GALNTL6: variants seen among roughly 807,000 people sequenced by gnomAD.
The protein encoded by GALNTL6 is polypeptide N-acetylgalactosaminyltransferase like 6, also known as polypeptide N-acetylgalactosaminyltransferase-like 6.
Under a neutral mutation model 73.7 loss-of-function variants are expected in GALNTL6, and 46 were observed. The ratio of observed to expected loss-of-function variants is 0.62; its 90% CI spans 0.49 to 0.80. The LOEUF (loss-of-function observed/expected upper bound fraction) is 0.80. Ranked by LOEUF, GALNTL6 falls within the 30% of genes least tolerant of loss-of-function variation. The probability of loss-of-function intolerance (pLI) is 0.00; values close to 1 mark genes in which losing one functional copy is unlikely to be tolerated. For missense variants in GALNTL6, 604 were observed against 755.0 expected, an observed-to-expected ratio of 0.80 and a Z score of 2.34; for synonymous variants, 259 against 263.7, an observed-to-expected ratio of 0.98 and a Z score of 0.17.
intron 2 of GALNTL6, among the ~76,000 whole-genome samples, chr4:171,871,433 G>A (rs1257918067): frequency 6.6e-6 from 1 of 152,068 alleles, no homozygotes; most frequent in Non-Finnish European, 1.5e-5. Flanking sequence ...GATAAGGGGG[G>A]ACTGTTATAA....
chr4:172,616,126 C>T (rs1738719009), intron 5 of GALNTL6, among the ~76,000 whole-genome samples: 2 of 152,260 alleles, frequency 1.3e-5, no homozygotes, highest in South Asian at 2.1e-4. Flanking sequence ...TCTGTCCCTT[C>T]ATAAAGATCT....
chr4:172,606,706 A>G (rs369301227), intron 5 of GALNTL6, among the ~76,000 whole-genome samples: 5 of 137,926 alleles, frequency 3.6e-5, no homozygotes, highest in African/African-American at 5.5e-5. Context: ...TATAGTGTGT[A>G]TATATATAGT....
intron 2 of GALNTL6, among the ~76,000 whole-genome samples, chr4:172,220,778 C>T (rs1323340286): frequency 2.0e-5 from 3 of 151,702 alleles, no homozygotes; most frequent in African/African-American, 7.3e-5. Flanking sequence ...AATTTAAAAT[C>T]ATCACTTCAG....
At chr4:172,546,690 G>T (rs1300798098) in intron 5 of GALNTL6, among the ~76,000 whole-genome samples, 1 of 149,464 alleles carries the variant, frequency 6.7e-6, no homozygotes, top group Non-Finnish European at 1.5e-5. Context: ...AACAAGATGT[G>T]ATTTGCAAAA....
In GALNTL6 at chr4:172,567,874, G is replaced by A. The variant is rs117336759; in HGVS notation, c.553+219185G>A. Among the ~76,000 whole-genome samples, 19 of 152,224 alleles carry A rather than the reference G, an allele frequency of 1.2e-4. 1 individual carries two copies. The East Asian group carries it at 3.7e-3, about 29-fold the overall frequency. The stretch of plus-strand genomic sequence containing the variant: ...TGTCAAGACATTATATTTTCTATGG[G>A]TTGTTTATTGGTGTCTCCACTATGA... On this transcript the variant is annotated intron_variant, in intron 5 of 12. Coordinates refer to ENST00000506823, the MANE Select transcript of GALNTL6 (RefSeq NM_001034845.3).
At chr4:171,926,062 C>T (rs1044587367) in intron 2 of GALNTL6, among the ~76,000 whole-genome samples, 2 of 152,018 alleles carry the variant, frequency 1.3e-5, no homozygotes, top group African/African-American at 4.8e-5. Context: ...TAACCCTATG[C>T]CTTATATACT....
chr4:171,858,571 C>T (rs1475951029), intron 2 of GALNTL6, among the ~76,000 whole-genome samples: 2 of 150,172 alleles, frequency 1.3e-5, no homozygotes, highest in Non-Finnish European at 2.9e-5. Context: ...CTCAAGTACT[C>T]ATGCCAAGTA....
intron 5 of GALNTL6, among the ~76,000 whole-genome samples, chr4:172,569,272 C>T (rs548092967): frequency 6.6e-6 from 1 of 152,236 alleles, no homozygotes; most frequent in South Asian, 2.1e-4. Flanking sequence ...CTTGCAGTGT[C>T]TTCACATGAT....
chr4:172,001,198 A>G (rs781752333), intron 2 of GALNTL6, among the ~76,000 whole-genome samples: 1 of 152,194 alleles, frequency 6.6e-6, no homozygotes, highest in Non-Finnish European at 1.5e-5. Flanking sequence ...TAGAAAATGT[A>G]ATTGTTTGAC....
chr4:171,961,281 T>A (rs1335716446), intron 2 of GALNTL6, among the ~76,000 whole-genome samples: 2 of 152,234 alleles, frequency 1.3e-5, no homozygotes, highest in African/African-American at 2.4e-5. Flanking sequence ...TGTCTAACAG[T>A]CCCTGTACAG....
chr4:172,657,583 A>C (rs1731101306), intron 5 of GALNTL6, among the ~76,000 whole-genome samples: 1 of 152,342 alleles, frequency 6.6e-6, no homozygotes, highest in South Asian at 2.1e-4. Context: ...TTCTTAGGAA[A>C]AGAACTGATT....
intron 2 of GALNTL6, among the ~76,000 whole-genome samples, chr4:172,043,456 T>C (rs1742141854): frequency 6.6e-6 from 1 of 152,078 alleles, no homozygotes; most frequent in South Asian, 2.1e-4. Context: ...GTCACATTTC[T>C]CAGCACTGTG....
chr4:172,173,159 A>G (rs982004124), intron 2 of GALNTL6, among the ~76,000 whole-genome samples: 5 of 152,240 alleles, frequency 3.3e-5, no homozygotes, highest in Admixed American at 1.3e-4. Flanking sequence ...AGAGATTTCC[A>G]AAACTGAAAC....
intron 5 of GALNTL6, among the ~76,000 whole-genome samples, chr4:172,524,210 ATTTC>A (rs1453311335): frequency 3.3e-5 from 5 of 151,806 alleles, no homozygotes; most frequent in African/African-American, 1.2e-4. Flanking sequence ...GAGTAGCTAT[ATTTC>A]TTTATTTTTA....
At chr4:172,381,091 G>C (rs1743267760) in intron 5 of GALNTL6, among the ~76,000 whole-genome samples, 1 of 152,194 alleles carries the variant, frequency 6.6e-6, no homozygotes, top group Admixed American at 6.5e-5. Flanking sequence ...CAAAACAATA[G>C]AGTGAGGTGG....
intron 5 of GALNTL6, among the ~76,000 whole-genome samples, chr4:172,492,413 T>A (rs1270911165): frequency 6.6e-6 from 1 of 152,174 alleles, no homozygotes; most frequent in African/African-American, 2.4e-5. Context: ...GGCTGCACTG[T>A]CACTCAGAGT....
chr4:172,751,210 T>G (rs1235292458), intron 5 of GALNTL6, among the ~76,000 whole-genome samples: 1 of 152,210 alleles, frequency 6.6e-6, no homozygotes, highest in Non-Finnish European at 1.5e-5. Flanking sequence ...GAGAAAACAT[T>G]ACTAACACAC....
At chr4:172,415,220 CAT>C (rs1730771110) in intron 5 of GALNTL6, among the ~76,000 whole-genome samples, 2 of 152,186 alleles carry the variant, frequency 1.3e-5, no homozygotes, top group African/African-American at 2.4e-5. Context: ...GTTCACAACT[CAT>C]GACTCAACTG....
At chr4:171,876,057 A>T (rs1299978214) in intron 2 of GALNTL6, among the ~76,000 whole-genome samples, 1 of 152,122 alleles carries the variant, frequency 6.6e-6, no homozygotes, top group East Asian at 1.9e-4. Flanking sequence ...GGATTAGTAG[A>T]CACAAATGTA....
Sources: gnomAD v4.1 joint callset for allele counts (sites outside exome capture counted in the v4.1 genomes callset) on GRCh38, gnomAD v4.1.1 for gene constraint, MANE v1.5 for transcripts, NCBI Gene and HGNC (gene_info 2026-07-23, HGNC 2026-07-21) for gene names.